Variants in URGCP observed in about 807,000 individuals in gnomAD.
URGCP encodes upregulator of cell proliferation.
A neutral mutation model predicts 24.6 loss-of-function variants in URGCP; 13 were observed. That is an observed-to-expected ratio of 0.53 (90% confidence interval 0.34 to 0.84). The LOEUF is 0.84. Among genes scored for constraint, URGCP ranks in the 40% least tolerant of loss-of-function variants. The probability of loss-of-function intolerance (pLI) is 0.01; values close to 1 mark genes in which losing one functional copy is unlikely to be tolerated. For synonymous variants in URGCP, 444 were observed against 487.2 expected (o/e 0.91, Z 1.17); for missense variants, 899 against 1,194.3 (o/e 0.75, Z 3.64).
At chr7:43,905,761 G>A (rs975995315) in intron 1 of URGCP, 8 of 152,162 alleles carry the variant, frequency 5.3e-5, no homozygotes, top group Admixed American at 1.3e-4. Flanking sequence ...TTTGTAAAAT[G>A]AAAGTGTTGG....
chr7:43,877,482 CCA>C lies in URGCP; in HGVS notation c.1979_1980del (p.Leu660ArgfsTer77). On this transcript the variant is annotated frameshift_variant, in exon 6 of 6. Transcript: ENST00000453200. LOFTEE classifies it high-confidence loss of function. The part of the protein sequence containing the change: ...ASELLLTGLP[L>X]ELIDGSTLSM... ...CTCAGCGTGCTCCCATCGATTAGCT[CCA>C]GAGGCAGCCCTGTCAGCAGCAGCTC... 6.2e-7 allele frequency: 1 copy of C among 1,613,606 alleles called. No homozygotes were observed. The highest frequency in any genetic ancestry group is 8.5e-7 in the Non-Finnish European group (1 of 1,180,022).
intron 1 of URGCP, among the ~76,000 whole-genome samples, chr7:43,914,216 T>C (rs1421661490): frequency 6.6e-6 from 1 of 151,992 alleles, no homozygotes; most frequent in East Asian, 1.9e-4. Flanking sequence ...AAAGTTTAAT[T>C]ATGGCTGGGT....
Position 43,881,708 on chromosome 7 carries a change from A to T in URGCP, c.164-11T>A, listed in dbSNP as rs1351348173. 1.2e-5 allele frequency: 19 copies of T among 1,614,030 alleles called. No homozygotes were observed. Among genetic ancestry groups the T allele is most frequent in the African/African-American group, 4.0e-5 (3 of 74,912 alleles). ...CCTCATTTGTACCATCTATGGAAAA[A>T]GCAATGGAAAATGAAGTGTCAATCA... On this transcript the variant is annotated splice_polypyrimidine_tract_variant and intron_variant, in intron 4 of 5. Coordinates refer to ENST00000453200, the MANE Select transcript of URGCP (RefSeq NM_001077663.3).
upstream of URGCP, among the ~76,000 whole-genome samples, chr7:43,907,997 G>C (rs1410241660): frequency 6.6e-6 from 1 of 152,220 alleles, no homozygotes; most frequent in African/African-American, 2.4e-5. Context: ...ACCAGAGTTA[G>C]GAAGAGTTTG....
At chr7:43,918,606 C>T (rs765040425) in intron 1 of URGCP, 25 of 516,358 alleles carry the variant, frequency 4.8e-5, no homozygotes, top group South Asian at 4.0e-4. Flanking sequence ...TCTTAAAGAG[C>T]GCTCAGCTTA....
At chr7:43,887,848 A>T in intron 1 of URGCP, 32 bp from the exon 2 acceptor site, 1 of 1,400,018 alleles carries the variant, frequency 7.1e-7, no homozygotes, top group Non-Finnish European at 9.9e-7. Flanking sequence ...AGTTACAAAG[A>T]TGTTGATGCC....
intron 2 of URGCP, 51 bp from the exon 3 acceptor site, chr7:43,887,536 T>TGA: frequency 6.3e-7 from 1 of 1,598,086 alleles, no homozygotes; most frequent in South Asian, 1.1e-5. Context: ...AATACCACTT[T>TGA]CACCTATCAA....
At chr7:43,917,536 C>T (rs1398101654) in intron 1 of URGCP, among the ~76,000 whole-genome samples, 1 of 152,156 alleles carries the variant, frequency 6.6e-6, no homozygotes, top group East Asian at 1.9e-4. Flanking sequence ...AGTGGCAGCC[C>T]GGGTTCAATC....
chr7:43,877,902 G>C lies in URGCP; in HGVS notation c.1561C>G (p.Pro521Ala), dbSNP rs780495328. The change falls in exon 6 of 6, where the codon CCT becomes GCT. Residue 521 changes from proline (P) to alanine (A), a missense_variant. Pro to Ala is a conservative substitution (Grantham distance 27). Transcript: ENST00000453200. Reference sequence around the variant, plus strand: ...CTCAGCTCAGCCCTGTGCTTCTCAGGGGGGTCCACGGCCCACTGGAGCTGG... The same window carrying C: ...CTCAGCTCAGCCCTGTGCTTCTCAGCGGGGTCCACGGCCCACTGGAGCTGG... ...FCQLQWAVDP[P>A]EKHRAELRRR... The C allele has an allele frequency of 7.4e-6, 12 of 1,613,960 alleles. No homozygotes were observed. The highest frequency in any genetic ancestry group is 2.2e-5 in the East Asian group (1 of 44,868).
intron 1 of URGCP, among the ~76,000 whole-genome samples, chr7:43,915,128 G>C (rs546723737): frequency 6.6e-6 from 1 of 152,088 alleles, no homozygotes; most frequent in Non-Finnish European, 1.5e-5. Flanking sequence ...CTTTTTTGCT[G>C]AGATGAGAGC....
At chr7:43,897,964 TGAG>T in intron 1 of URGCP, among the ~76,000 whole-genome samples, 1 of 152,234 alleles carries the variant, frequency 6.6e-6, no homozygotes. Flanking sequence ...AAGCAAGACT[TGAG>T]GGAATCGTGA....
At chr7:43,909,423 T>A (rs904468847), upstream of URGCP, among the ~76,000 whole-genome samples, 8 of 152,216 alleles carry the variant, frequency 5.3e-5, no homozygotes, top group African/African-American at 1.9e-4. Flanking sequence ...GCCAACTTCA[T>A]AGGTTAAAAA....
At chr7:43,920,272 G>T (rs2095920701) in intron 1 of URGCP, among the ~76,000 whole-genome samples, 1 of 152,156 alleles carries the variant, frequency 6.6e-6, no homozygotes, top group Non-Finnish European at 1.5e-5. Flanking sequence ...TTAAAAAGTG[G>T]ATATCTGAGG....
chr7:43,900,090 A>G (rs997662095), intron 1 of URGCP, among the ~76,000 whole-genome samples: 1 of 151,912 alleles, frequency 6.6e-6, no homozygotes, highest in Non-Finnish European at 1.5e-5. Flanking sequence ...GGCTGCAGCG[A>G]GCCATGTTGT....
chr7:43,909,816 G>A (rs1325362801), upstream of URGCP, among the ~76,000 whole-genome samples: 2 of 151,982 alleles, frequency 1.3e-5, no homozygotes, highest in Non-Finnish European at 2.9e-5. Flanking sequence ...GCTGAGATGG[G>A]TGGATCACTT....
chr7:43,926,674 C>G, upstream of URGCP: 1 of 1,138,510 alleles, frequency 8.8e-7, no homozygotes, highest in South Asian at 1.7e-5. Context: ...ATACACCTGC[C>G]TGGGAAGGAG....
chr7:43,884,859 A>G (rs550526318), intron 3 of URGCP, among the ~76,000 whole-genome samples: 8 of 152,174 alleles, frequency 5.3e-5, no homozygotes, highest in Non-Finnish European at 1.2e-4. Context: ...TAGAATCTTC[A>G]GAGTTGAGTA....
intron 5 of URGCP, 130 bp downstream of exon 5, chr7:43,881,529 G>A: frequency 1.7e-6 from 1 of 572,034 alleles, no homozygotes; most frequent in East Asian, 4.6e-5. Context: ...AAGGGTTAAT[G>A]AAGTAGGGCA....
chr7:43,897,613 T>A lies in URGCP; in HGVS notation c.14+8949A>T, dbSNP rs539481994. 6.4e-4 allele frequency among the ~76,000 whole-genome samples: 97 copies of A among 152,160 alleles called. No individual in the cohort carries two copies. The East Asian group carries it at 0.015, about 24-fold the overall frequency. On this transcript the variant is annotated intron_variant, in intron 1 of 5. Transcript: ENST00000453200. ...AAAAATAAAAATAAAAAAGATTTTT[T>A]AAAAAAAGGTTCTGGCTGTTCTTAT...
Sources: gnomAD v4.1 joint callset for allele counts (sites outside exome capture counted in the v4.1 genomes callset) on GRCh38, gnomAD v4.1.1 for gene constraint, MANE v1.5 for transcripts, NCBI Gene and HGNC (gene_info 2026-07-23, HGNC 2026-07-21) for gene names.